MAPK8IP3: variants seen among roughly 807,000 people sequenced by gnomAD.
MAPK8IP3 encodes the protein mitogen-activated protein kinase 8 interacting protein 3, also known as C-Jun-amino-terminal kinase-interacting protein 3.
In MAPK8IP3, 49 loss-of-function variants were observed where a neutral mutation model predicts 157.8. That is an observed-to-expected ratio of 0.31 (90% CI 0.25 to 0.39). MAPK8IP3 has a LOEUF of 0.39. Among genes scored for constraint, MAPK8IP3 ranks in the 10% least tolerant of loss-of-function variants. MAPK8IP3 has a pLI of 1.00. For synonymous variants in MAPK8IP3, 897 were observed against 777.7 expected, an observed-to-expected ratio of 1.15 and a Z score of -2.55; for missense variants, 1,478 against 1,889.4, an observed-to-expected ratio of 0.78 and a Z score of 4.04.
Position 1,762,594 on chromosome 16 carries a change from C to T in MAPK8IP3, c.1671-81C>T, listed in dbSNP as rs529956387. 74 of 1,550,082 alleles carry T rather than the reference C, an allele frequency of 4.8e-5. 2 individuals carry two copies. The South Asian group carries it at 8.6e-4, about 18-fold the overall frequency. On this transcript the variant is annotated intron_variant, in intron 14 of 31. Coordinates refer to ENST00000610761, the MANE Select transcript of MAPK8IP3 (RefSeq NM_001318852.2). Reference sequence around the variant, plus strand: ...TGGGGGGACTGAAGTGCGCTGGGTGCTTCCTGGCGGGAGCCAGAGAGTCGC... The same window carrying T: ...TGGGGGGACTGAAGTGCGCTGGGTGTTTCCTGGCGGGAGCCAGAGAGTCGC...
At chr16:1,738,143 A>T (rs557553221) in intron 4 of MAPK8IP3, among the ~76,000 whole-genome samples, 1 of 69,684 alleles carries the variant, frequency 1.4e-5, no homozygotes, top group Non-Finnish European at 2.5e-5. Flanking sequence ...CGTGTGTGTG[A>T]CCATCCATGT....
chr16:1,744,196 A>G, intron 5 of MAPK8IP3: 2 of 985,560 alleles, frequency 2.0e-6, no homozygotes, highest in Non-Finnish European at 2.4e-6. Context: ...CCAGGTAAGG[A>G]CAGCCACCTT....
chr16:1,708,363 T>G (rs2037534198), intron 1 of MAPK8IP3, among the ~76,000 whole-genome samples: 1 of 152,236 alleles, frequency 6.6e-6, no homozygotes, highest in Non-Finnish European at 1.5e-5. Context: ...CCCCCTGTGC[T>G]GGGCACCGCC....
At chr16:1,729,108 T>A in intron 2 of MAPK8IP3, 30 bp from the exon 3 acceptor site, 1 of 1,605,390 alleles carries the variant, frequency 6.2e-7, no homozygotes, top group Non-Finnish European at 8.5e-7. Context: ...AAGCGTCTTG[T>A]GCGGCTCAGA....
rs566332400 is a variant in MAPK8IP3, at chr16:1,743,543, G to A, written c.747+67G>A. Reference sequence around the variant, plus strand: ...GCTGGTGTTCCCCGTTCACTGGGGCGGGAGCCTCGTCTGCAGGCAGCCCTT... The same window carrying A: ...GCTGGTGTTCCCCGTTCACTGGGGCAGGAGCCTCGTCTGCAGGCAGCCCTT... On this transcript the variant is annotated intron_variant, in intron 5 of 31. Transcript: ENST00000610761. This position sits in a 1 kb window ranked among gnomAD's most constrained non-coding sequence, Gnocchi z 5.6. The A allele has an allele frequency of 8.7e-5, 136 of 1,559,950 alleles. No homozygotes were observed. The African/African-American group carries it at 1.6e-3, about 18-fold the overall frequency.
In MAPK8IP3 at chr16:1,729,178, G is replaced by A. The variant is rs1461468798; in HGVS notation, c.480G>A (p.Glu160=). The A allele has an allele frequency of 8.1e-6, 13 of 1,613,930 alleles. No individual in the cohort carries two copies. Among genetic ancestry groups the A allele is most frequent in the Non-Finnish European group, 1.1e-5 (13 of 1,180,038 alleles). Residue 160 remains glutamate (E), a synonymous_variant, in exon 3 of 32, where the codon GAG becomes GAA. Coordinates refer to ENST00000610761, the MANE Select transcript of MAPK8IP3 (RefSeq NM_001318852.2). ...LEERESEMKK[E]YNALHQRHTE... is the part of the protein sequence containing the mutation. ...AGCGGGAGTCGGAGATGAAGAAGGA[G>A]TACAATGCCCTGCACCAGCGGCACA...
Position 1,724,999 on chromosome 16 carries a change from C to T in MAPK8IP3, c.439+322C>T, listed in dbSNP as rs1025625250. Among the ~76,000 whole-genome samples, 5 of 152,040 alleles carry T rather than the reference C, an allele frequency of 3.3e-5. No individual in the cohort carries two copies. Among genetic ancestry groups the T allele is most frequent in the African/African-American group, 1.2e-4 (5 of 41,398 alleles). ...CAGAGCTCCTGCAGCCCCTGGGGTC[C>T]CCACCTCTTCACACTGCTGAGGAGT... On this transcript the variant is annotated intron_variant, in intron 2 of 31. Transcript: ENST00000610761. This position sits in a 1 kb window ranked among gnomAD's most constrained non-coding sequence, Gnocchi z 4.1.
intron 1 of MAPK8IP3, among the ~76,000 whole-genome samples, chr16:1,707,059 A>C: frequency 6.8e-6 from 1 of 147,464 alleles, no homozygotes; most frequent in African/African-American, 2.5e-5. Flanking sequence ...TCCCCTCCCC[A>C]CCCACCTCTG....
Position 1,724,508 on chromosome 16 carries a change from C to G in MAPK8IP3, c.319-49C>G, listed in dbSNP as rs371737925. ...CGGCCCTTCAAGTGAAAGGCGGCTG[C>G]TCCACACTCACTCCTGATGACTGCT... On this transcript the variant is annotated intron_variant, in intron 1 of 31. Coordinates refer to ENST00000610761, the MANE Select transcript of MAPK8IP3 (RefSeq NM_001318852.2). The surrounding 1 kb of genome is among the most constrained non-coding windows in gnomAD (Gnocchi z 4.1). 2 of 1,597,036 alleles carry G rather than the reference C, an allele frequency of 1.3e-6. No individual in the cohort carries two copies. Among genetic ancestry groups the G allele is most frequent in the Non-Finnish European group, 1.7e-6 (2 of 1,170,376 alleles).
chr16:1,760,096 C>G (rs997958664), intron 11 of MAPK8IP3, 81 bp downstream of exon 11: 10 of 1,503,770 alleles, frequency 6.6e-6, no homozygotes, highest in Non-Finnish European at 8.3e-6. Flanking sequence ...GGCCAGAGGG[C>G]GCCTTGGGGA....
rs747939613 is a variant in MAPK8IP3 at position 1,760,464 on chromosome 16, G to A, written c.1389G>A (p.Leu463=). ...AGCAGGAGGTGCTGAGGGGCGAGTT[G>A]GAGGCTGCTAAGCAGGCCAAAGTCA... ...SGEQEVLRGE[L]EAAKQAKVKL... The change falls in exon 12 of 32, where the codon TTG becomes TTA. Residue 463 remains leucine, a synonymous_variant. Coordinates refer to ENST00000610761, the MANE Select transcript of MAPK8IP3 (RefSeq NM_001318852.2). The A allele has an allele frequency of 3.7e-6, 6 of 1,613,884 alleles. No individual in the cohort carries two copies. In the African/African-American group the frequency reaches 6.7e-5, roughly 18 times the overall value.
intron 4 of MAPK8IP3, among the ~76,000 whole-genome samples, chr16:1,740,706 C>T (rs1301760952): frequency 2.6e-5 from 4 of 152,198 alleles, no homozygotes; most frequent in Admixed American, 2.0e-4. Context: ...CCTCGTCAGT[C>T]GTGGAGGAAA....
At chr16:1,759,892 A>G in intron 10 of MAPK8IP3, 66 bp from the exon 11 acceptor site, 1 of 1,390,930 alleles carries the variant, frequency 7.2e-7, no homozygotes, top group Non-Finnish European at 1.0e-6. Context: ...GCCCTGAGGC[A>G]GGTGCGGCGG....
intron 1 of MAPK8IP3, among the ~76,000 whole-genome samples, chr16:1,718,468 G>C (rs917860332): frequency 4.6e-5 from 7 of 151,882 alleles, no homozygotes; most frequent in Non-Finnish European, 8.8e-5. Flanking sequence ...ACAGGCATGA[G>C]TCACCGCGCC....
In MAPK8IP3 at chr16:1,708,992, G is replaced by A. The variant is rs572041323; in HGVS notation, c.318+2335G>A. Among the ~76,000 whole-genome samples the A allele has an allele frequency of 1.2e-3, 176 of 152,286 alleles. 3 individuals are homozygous for A. Among genetic ancestry groups the A allele is most frequent in the Admixed American group, 3.9e-4 (6 of 15,296 alleles). ...GACGTGTGTCTGATAAGAGGGGAGC[G>A]GGACGTCACACGCTGCAGGCGTGTC... On this transcript the variant is annotated intron_variant, in intron 1 of 31. Transcript: ENST00000610761.
At chr16:1,745,142 G>T (rs2040888727) in intron 5 of MAPK8IP3, 2 of 985,360 alleles carry the variant, frequency 2.0e-6, no homozygotes, top group South Asian at 9.4e-5. Flanking sequence ...TGGGTAAGTG[G>T]TGGCCCTGTA....
intron 4 of MAPK8IP3, 112 bp downstream of exon 4, chr16:1,729,690 A>G (rs2039164000): frequency 2.8e-5 from 28 of 1,010,878 alleles, no homozygotes; most frequent in Non-Finnish European, 3.9e-5. Flanking sequence ...CTCTGGGCTC[A>G]GGACGACAGG....
chr16:1,767,098 G>A, intron 25 of MAPK8IP3, 51 bp from the exon 26 acceptor site: 1 of 1,604,778 alleles, frequency 6.2e-7, no homozygotes. Flanking sequence ...GATGCCCTGA[G>A]CAGAGGTGGG....
chr16:1,764,726 C>G (rs934123186), intron 19 of MAPK8IP3, among the ~76,000 whole-genome samples: 2 of 152,164 alleles, frequency 1.3e-5, no homozygotes, highest in Admixed American at 6.5e-5. Context: ...ACAGAGGAGC[C>G]CAGGAGCGGC....
Sources: gnomAD v4.1 joint callset for allele counts (sites outside exome capture counted in the v4.1 genomes callset) on GRCh38, gnomAD v4.1.1 for gene constraint, Gnocchi (gnomAD v3.1) non-coding constraint, MANE v1.5 for transcripts, NCBI Gene and HGNC (gene_info 2026-07-23, HGNC 2026-07-21) for gene names.